DDX43: variants seen among roughly 807,000 people sequenced by gnomAD.
DDX43 encodes DEAD-box helicase 43.
Under a neutral mutation model 84.9 loss-of-function variants are expected in DDX43, and 50 were observed. The ratio of observed to expected loss-of-function variants is 0.59; its 90% CI spans 0.47 to 0.75. The LOEUF (loss-of-function observed/expected upper bound fraction) is 0.75. Ranked by LOEUF, DDX43 falls within the 30% of genes least tolerant of loss-of-function variation. DDX43 has a pLI of 0.00. For synonymous variants in DDX43, 291 were observed against 266.3 expected (o/e 1.09, Z -0.90); for missense variants, 689 against 798.6 (o/e 0.86, Z 1.65).
chr6:73,403,447 G>C (rs1437237650), intron 4 of DDX43, among the ~76,000 whole-genome samples: 1 of 152,082 alleles, frequency 6.6e-6, no homozygotes, highest in Non-Finnish European at 1.5e-5. Context: ...TCCAGCCTGG[G>C]CGACAGAGTA....
rs758891017 is a variant in DDX43 at position 73,397,712 on chromosome 6, A to AAT, written c.278_279dup (p.Gln94TyrfsTer11). The stretch of plus-strand genomic sequence containing the variant: ...AGGTCGTGGTGGGTCAAAAATAAAG[A>AAT]ATATACAAAGTACAACAAACACCAC... On this transcript the variant is annotated frameshift_variant, in exon 2 of 17. Transcript: ENST00000370336. LOFTEE classifies it high-confidence loss of function. The AAT allele has an allele frequency of 6.2e-7, 1 of 1,613,780 alleles. No homozygotes were observed. Among genetic ancestry groups the AAT allele is most frequent in the South Asian group, 1.1e-5 (1 of 91,064 alleles).
chr6:73,411,175 C>CAAAA (rs34679802), intron 10 of DDX43, among the ~76,000 whole-genome samples: 5 of 49,292 alleles, frequency 1.0e-4, no homozygotes, highest in Admixed American at 6.4e-4. Flanking sequence ...GACTCCATCT[C>CAAAA]AAAAAAAAAA....
rs1769849775 is a variant in DDX43 at position 73,413,790 on chromosome 6, G to A, written c.1496+5G>A. ...CTTCGTTTCTCGAAAAGCTGTGTAG[G>A]TATTTTTTCTTGTGTGTCCATTATA... On this transcript the variant is annotated splice_donor_5th_base_variant and intron_variant, in intron 12 of 16. Coordinates refer to ENST00000370336, the MANE Select transcript of DDX43 (RefSeq NM_018665.3). The A allele has an allele frequency of 6.2e-7, 1 of 1,610,326 alleles. No homozygotes were observed. The highest frequency in any genetic ancestry group is 8.5e-7 in the Non-Finnish European group (1 of 1,178,960).
At chr6:73,406,172 T>A (rs924290006) in intron 6 of DDX43, among the ~76,000 whole-genome samples, 192 bp from the exon 7 acceptor site, 1 of 150,806 alleles carries the variant, frequency 6.6e-6, no homozygotes, top group Non-Finnish European at 1.5e-5. Context: ...TACAGACATG[T>A]GCCACCACGC....
Position 73,415,499 on chromosome 6 carries a change from G to A in DDX43, c.1748G>A (p.Arg583Lys). 5 of 1,610,652 alleles carry A rather than the reference G, an allele frequency of 3.1e-6. No homozygotes were observed. The highest frequency in any genetic ancestry group is 4.2e-6 in the Non-Finnish European group (5 of 1,177,290). Reference sequence around the variant, plus strand: ...AGTTTTTTTCCCCCACACTAAAGGAGGACTGGTGTTTCCATTACAACTTTG... The same window carrying A: ...AGTTTTTTTCCCCCACACTAAAGGAAGACTGGTGTTTCCATTACAACTTTG... ...HRIGRTGRAG[R>K]TGVSITTLTR... Residue 583 changes from arginine to lysine, a missense_variant and splice_region_variant, in exon 15 of 17, where the codon AGG becomes AAG. Transcript: ENST00000370336.
chr6:73,404,875 A>G (rs965392536), intron 5 of DDX43, 104 bp downstream of exon 5: 4 of 887,916 alleles, frequency 4.5e-6, no homozygotes, highest in Admixed American at 5.2e-5. Context: ...TACGCCTTCA[A>G]TATTCAAATG....
intron 16 of DDX43, among the ~76,000 whole-genome samples, 184 bp from the exon 17 acceptor site, chr6:73,417,003 C>T (rs1007143066): frequency 2.0e-5 from 3 of 152,156 alleles, no homozygotes; most frequent in East Asian, 1.9e-4. Flanking sequence ...CGGGCCACTG[C>T]ACTCCAGCCT....
Position 73,414,652 on chromosome 6 carries a change from T to C in DDX43, c.1711T>C (p.Tyr571His). 6.2e-7 allele frequency: 1 copy of C among 1,614,000 alleles called. No individual in the cohort carries two copies. Among genetic ancestry groups the C allele is most frequent in the African/African-American group, 1.3e-5 (1 of 75,026 alleles). The change falls in exon 14 of 17, where the codon TAC becomes CAC. Residue 571 changes from tyrosine (Y) to histidine (H), a missense_variant. By Grantham distance (83) the Tyr-to-His change is moderately conservative (BLOSUM62 2). This residue lies in a region of DDX43 where 552 missense variants were observed against 692.7 expected (regional missense o/e 0.80). Transcript: ENST00000370336. Reference protein sequence around the residue: ...NFDFPRNIEEYVHRIGRTGRA... With the variant: ...NFDFPRNIEEHVHRIGRTGRA... ...TGACTTTCCACGGAATATTGAAGAA[T>C]ACGTACACCGAATAGGGCGCACGGG...
intron 4 of DDX43, 51 bp downstream of exon 4, chr6:73,402,041 TTTTA>T: frequency 6.2e-7 from 1 of 1,602,740 alleles, no homozygotes. Context: ...TAACTGCAGT[TTTTA>T]TTCTCTGTAC....
intron 11 of DDX43, among the ~76,000 whole-genome samples, chr6:73,412,668 T>TGCGCGCGCGC (rs200406044): frequency 9.2e-6 from 1 of 108,396 alleles, no homozygotes; most frequent in Admixed American, 9.1e-5. Context: ...TGTGTGTGTG[T>TGCGCGCGCGC]GCGCGCGCGC....
rs758679939 is a variant in DDX43, at chr6:73,400,185, G to A, written c.307-49G>A. On this transcript the variant is annotated intron_variant, in intron 2 of 16. Coordinates refer to ENST00000370336, the MANE Select transcript of DDX43 (RefSeq NM_018665.3). ...GTTAGGGGCTTAGGGAACTTTTTATGTTTTTTAGGGAAATTTTAAGTCTCA... is the reference window on the plus strand; with the variant it reads ...GTTAGGGGCTTAGGGAACTTTTTATATTTTTTAGGGAAATTTTAAGTCTCA... 36 of 1,529,712 alleles carry A rather than the reference G, an allele frequency of 2.4e-5. No homozygotes were observed. The African/African-American group carries it at 4.4e-4, about 19-fold the overall frequency. 94.8% of individuals were successfully genotyped at this position (1,529,712 alleles called of 1,614,324 possible). A position where few individuals can be genotyped will look rare whatever the true frequency, so the allele number is the denominator to read the frequency against.
At position 73,409,281 on chromosome 6, in the gene DDX43, G is replaced by T; in HGVS notation, c.1213G>T (p.Gly405Ter). The change falls in exon 10 of 17, where the codon GGA (glycine) becomes TGA (stop). Residue 405 changes from glycine to a stop codon, truncating the protein, a stop_gained. Transcript: ENST00000370336. LOFTEE classifies it high-confidence loss of function. ...LDEADKMLDM[G>*]FEPQIMKILL... Reference sequence around the variant, plus strand: ...TGAAGCAGACAAGATGTTGGACATGGGATTTGAACCCCAGATAATGAAGAT... The same window carrying T: ...TGAAGCAGACAAGATGTTGGACATGTGATTTGAACCCCAGATAATGAAGAT... 1 of 1,614,076 alleles carries T rather than the reference G, an allele frequency of 6.2e-7. No individual in the cohort carries two copies.
At chr6:73,397,651 C>T in intron 1 of DDX43, 38 bp from the exon 2 acceptor site, 4 of 1,530,106 alleles carry the variant, frequency 2.6e-6, no homozygotes, top group South Asian at 2.3e-5. Flanking sequence ...TTACTAATTT[C>T]AACTTATAAC....
intron 11 of DDX43, among the ~76,000 whole-genome samples, chr6:73,412,678 C>CGCGTGCGT (rs143068937): frequency 1.3e-5 from 1 of 76,408 alleles, no homozygotes; most frequent in Non-Finnish European, 3.0e-5. Context: ...TGCGCGCGCG[C>CGCGTGCGT]GTGTGTGTGT....
At position 73,412,219 on chromosome 6, in the gene DDX43, A is replaced by G; in HGVS notation, c.1295A>G (p.His432Arg). 1.9e-6 allele frequency: 3 copies of G among 1,613,452 alleles called. No individual in the cohort carries two copies. The highest frequency in any genetic ancestry group is 1.1e-5 in the South Asian group (1 of 90,846). The change falls in exon 11 of 17, where the codon CAT becomes CGT. Residue 432 changes from histidine to arginine, a missense_variant. His to Arg is a conservative substitution (Grantham distance 29, BLOSUM62 0). Coordinates refer to ENST00000370336, the MANE Select transcript of DDX43 (RefSeq NM_018665.3). ...QTVMTSATWP[H>R]SVHRLAQSYL... ...TGTATTCCCAGTGCTACATGGCCTCATTCAGTTCATCGCCTCGCACAATCT... is the reference window on the plus strand; with the variant it reads ...TGTATTCCCAGTGCTACATGGCCTCGTTCAGTTCATCGCCTCGCACAATCT...
intron 1 of DDX43, among the ~76,000 whole-genome samples, chr6:73,396,469 C>T (rs1769474754): frequency 6.6e-6 from 1 of 152,108 alleles, no homozygotes; most frequent in African/African-American, 2.4e-5. Flanking sequence ...GGCTTGGGCT[C>T]AGATCTGAAG....
At position 73,407,591 on chromosome 6, in the gene DDX43, A is replaced by G. The variant is rs753684450; in HGVS notation, c.1013A>G (p.Lys338Arg). The change falls in exon 8 of 17, where the codon AAA (lysine) becomes AGA (arginine). Residue 338 changes from lysine to arginine, a missense_variant. Lys to Arg is a conservative substitution (Grantham distance 26, BLOSUM62 2). Coordinates refer to ENST00000370336, the MANE Select transcript of DDX43 (RefSeq NM_018665.3). ...LALQVEGECC[K>R]YSYKGLRSVC... Reference sequence around the variant, plus strand: ...CTTCAAGTAGAAGGAGAATGTTGCAAATATTCATATAAAGGGCTTCGGAGG... The same window carrying G: ...CTTCAAGTAGAAGGAGAATGTTGCAGATATTCATATAAAGGGCTTCGGAGG... The G allele has an allele frequency of 2.5e-6, 4 of 1,613,154 alleles. No individual in the cohort carries two copies. The highest frequency in any genetic ancestry group is 2.2e-5 in the East Asian group (1 of 44,882).
At position 73,407,620 on chromosome 6, in the gene DDX43, G is replaced by A. The variant is rs1238217188; in HGVS notation, c.1037+5G>A. The A allele has an allele frequency of 1.3e-6, 2 of 1,582,422 alleles. 1 individual carries two copies. Among genetic ancestry groups the A allele is most frequent in the South Asian group, 2.2e-5 (2 of 89,492 alleles). Reference sequence around the variant, plus strand: ...TTCATATAAAGGGCTTCGGAGGTAAGTAATTTTTTTTCCCATTCCTTCACC... The same window carrying A: ...TTCATATAAAGGGCTTCGGAGGTAAATAATTTTTTTTCCCATTCCTTCACC... On this transcript the variant is annotated splice_donor_5th_base_variant and intron_variant, in intron 8 of 16. Coordinates refer to ENST00000370336, the MANE Select transcript of DDX43 (RefSeq NM_018665.3).
chr6:73,416,263 A>G lies in DDX43; in HGVS notation c.*25+12A>G. On this transcript the variant is annotated intron_variant, in intron 16 of 16. Transcript: ENST00000370336. ...CTAGTGGGGTAGAGGTAAAAGTTCA[A>G]TAACATATGGACTTTAAAATGCCTG... 9.3e-7 allele frequency: 1 copy of G among 1,069,716 alleles called. No individual in the cohort carries two copies. Among genetic ancestry groups the G allele is most frequent in the Non-Finnish European group, 1.4e-6 (1 of 693,960 alleles). 66.3% of individuals were successfully genotyped at this position (1,069,716 alleles called of 1,614,324 possible). A position where few individuals can be genotyped will look rare whatever the true frequency, so the allele number is the denominator to read the frequency against.
Sources: allele counts gnomAD v4.1 joint callset (sites outside exome capture counted in the v4.1 genomes callset), GRCh38; gene constraint gnomAD v4.1.1; regional missense constraint gnomAD v4.1.1; transcripts MANE v1.5; gene names NCBI Gene and HGNC (gene_info 2026-07-23, HGNC 2026-07-21).